Variants in SNX29 observed in about 807,000 individuals in gnomAD.
SNX29 encodes sorting nexin 29.
In SNX29, 78 loss-of-function variants were observed where a neutral mutation model predicts 102.1. The ratio of observed to expected loss-of-function variants is 0.76; its 90% CI spans 0.64 to 0.92. The LOEUF is 0.92. SNX29 is among the 40% of genes least tolerant of loss of function. The pLI is 0.00. For missense variants in SNX29, 1,280 were observed against 1,061.7 expected, an observed-to-expected ratio of 1.21 and a Z score of -2.86; for synonymous variants, 580 against 414.5, an observed-to-expected ratio of 1.40 and a Z score of -4.85.
At chr16:12,392,315 T>C (rs1307628746) in intron 16 of SNX29, among the ~76,000 whole-genome samples, 7 of 152,242 alleles carry the variant, frequency 4.6e-5, no homozygotes, top group African/African-American at 7.2e-5. Flanking sequence ...AATGTCTTTG[T>C]ATCCTTGTCT....
intron 10 of SNX29, among the ~76,000 whole-genome samples, chr16:12,078,448 T>TG (rs778462096): frequency 6.6e-6 from 1 of 150,770 alleles, no homozygotes; most frequent in Non-Finnish European, 1.5e-5. Context: ...GAAAGAAAAG[T>TG]GGAAAAAAAA....
intron 18 of SNX29, among the ~76,000 whole-genome samples, chr16:12,454,200 A>G (rs1049116235): frequency 4.6e-5 from 7 of 151,884 alleles, no homozygotes; most frequent in African/African-American, 1.7e-4. Flanking sequence ...GATAGGTGGA[A>G]CTCCAGCAGC....
At chr16:12,481,726 G>A (rs540595243) in intron 19 of SNX29, among the ~76,000 whole-genome samples, 36 of 152,224 alleles carry the variant, frequency 2.4e-4, no homozygotes, top group Admixed American at 4.6e-4. Context: ...GTAAAGGCAG[G>A]GTTTTGCCAT....
At chr16:12,359,774 A>G (rs1019075072) in intron 16 of SNX29, among the ~76,000 whole-genome samples, 1 of 152,082 alleles carries the variant, frequency 6.6e-6, no homozygotes, top group African/African-American at 2.4e-5. Flanking sequence ...AATACCCAAT[A>G]TTTACTGCTA....
chr16:12,334,791 A>G (rs932446094), intron 15 of SNX29, among the ~76,000 whole-genome samples: 2 of 151,234 alleles, frequency 1.3e-5, no homozygotes, highest in Non-Finnish European at 2.9e-5. Flanking sequence ...GGCAGTCCTC[A>G]CCATGTCACC....
intron 14 of SNX29, among the ~76,000 whole-genome samples, chr16:12,230,368 C>T (rs73504131): frequency 0.011 from 1,610 of 152,314 alleles, 40 homozygotes; most frequent in African/African-American, 0.037. Flanking sequence ...ACGTTCTCTT[C>T]ATTAGCAACC....
chr16:12,523,235 C>T (rs1329994284), intron 19 of SNX29, among the ~76,000 whole-genome samples: 5 of 152,176 alleles, frequency 3.3e-5, no homozygotes, highest in Non-Finnish European at 4.4e-5. Flanking sequence ...AGAGCAGAGA[C>T]GAGTGCCCCA....
chr16:12,553,156 C>G (rs1478959573), intron 20 of SNX29, among the ~76,000 whole-genome samples: 1 of 152,176 alleles, frequency 6.6e-6, no homozygotes, highest in Non-Finnish European at 1.5e-5. Flanking sequence ...TGGGGTCCTT[C>G]CTGGGATTTT....
intron 15 of SNX29, among the ~76,000 whole-genome samples, chr16:12,323,888 T>C (rs1007154530): frequency 6.6e-6 from 1 of 152,214 alleles, no homozygotes; most frequent in African/African-American, 2.4e-5. Context: ...TACTAACTTT[T>C]ATTATTACTG....
rs373587624 is a variant in SNX29 at position 12,030,515 on chromosome 16, A to G, written c.247+3071A>G. On this transcript the variant is annotated intron_variant, in intron 4 of 20. Coordinates refer to ENST00000566228, the MANE Select transcript of SNX29 (RefSeq NM_032167.5). ...CCCCAAAACCAGTCCCACAAAGAGC[A>G]TTGTTTTCTGTCTCTCACATGGGTC... Among the ~76,000 whole-genome samples the G allele has an allele frequency of 8.5e-5, 13 of 152,176 alleles. No individual in the cohort carries two copies. The South Asian group carries it at 2.7e-3, about 32-fold the overall frequency.
chr16:12,289,157 T>C (rs1414863848), intron 15 of SNX29, among the ~76,000 whole-genome samples: 4 of 152,214 alleles, frequency 2.6e-5, no homozygotes, highest in Non-Finnish European at 4.4e-5. Flanking sequence ...TAAACAGCCG[T>C]GTGTGCTGCC....
chr16:12,292,807 T>A (rs941210094), intron 15 of SNX29, among the ~76,000 whole-genome samples: 5 of 152,230 alleles, frequency 3.3e-5, no homozygotes, highest in African/African-American at 1.2e-4. Context: ...TGCCTCCCTG[T>A]TCTCTTCCTC....
intron 20 of SNX29, among the ~76,000 whole-genome samples, chr16:12,539,289 C>G (rs1044194248): frequency 6.6e-6 from 1 of 152,014 alleles, no homozygotes; most frequent in Non-Finnish European, 1.5e-5. Flanking sequence ...CCCTCCCCCA[C>G]CTCTAAGCCC....
At chr16:12,046,958 C>G (rs959610744) in intron 6 of SNX29, among the ~76,000 whole-genome samples, 1 of 152,100 alleles carries the variant, frequency 6.6e-6, no homozygotes, top group Non-Finnish European at 1.5e-5. Context: ...GAGACCCTGG[C>G]AGAGAAAGTG....
chr16:11,993,313 C>T (rs1001255478), intron 1 of SNX29, among the ~76,000 whole-genome samples: 4 of 152,216 alleles, frequency 2.6e-5, no homozygotes, highest in African/African-American at 9.6e-5. Context: ...CTGGTTGCCT[C>T]CTGCTTGTTT....
At chr16:12,312,377 C>G (rs550060840) in intron 15 of SNX29, among the ~76,000 whole-genome samples, 10 of 152,204 alleles carry the variant, frequency 6.6e-5, no homozygotes, top group Non-Finnish European at 1.0e-4. Context: ...AGTTGAAAAA[C>G]TGGCAACTGC....
At chr16:12,289,907 G>A (rs549312954) in intron 15 of SNX29, among the ~76,000 whole-genome samples, 2 of 152,176 alleles carry the variant, frequency 1.3e-5, no homozygotes, top group East Asian at 3.9e-4. Flanking sequence ...GTATACACCC[G>A]GCGAAGGGGC....
At position 12,196,622 on chromosome 16, in the gene SNX29, C is replaced by T. The variant is rs200661561; in HGVS notation, c.1596-2979C>T. Among the ~76,000 whole-genome samples the T allele has an allele frequency of 3.2e-3, 419 of 129,654 alleles. 2 individuals carry two copies. Among genetic ancestry groups the T allele is most frequent in the African/African-American group, 0.011 (396 of 35,310 alleles). The allele number at this position is 129,654 out of a possible 152,430, so 85.1% of individuals were successfully genotyped here. A position where few individuals can be genotyped will look rare whatever the true frequency, so the allele number is the denominator to read the frequency against. On this transcript the variant is annotated intron_variant, in intron 13 of 20. Coordinates refer to ENST00000566228, the MANE Select transcript of SNX29 (RefSeq NM_032167.5). ...TTTTTACTTTTCTTTTTTCTTTTTT[C>T]TTTTTTTTTTTTTTTTGGAGACGGA...
chr16:12,571,773 C>A lies in SNX29; in HGVS notation c.*3144C>A. The A allele has an allele frequency of 9.9e-7, 1 of 1,006,808 alleles. No homozygotes were observed. The highest frequency in any genetic ancestry group is 1.2e-6 in the Non-Finnish European group (1 of 827,132). 62.4% of individuals were successfully genotyped at this position (1,006,808 alleles called of 1,614,324 possible). On this transcript the variant is annotated 3_prime_UTR_variant, in exon 21 of 21. Transcript: ENST00000566228. ...CATCCACTCCTGATCTGAGACAGAA[C>A]CTTCTCCGCCACTCTTCCTGCAATC...
Sources: allele counts gnomAD v4.1 joint callset (sites outside exome capture counted in the v4.1 genomes callset), GRCh38; gene constraint gnomAD v4.1.1; transcripts MANE v1.5; gene names NCBI Gene and HGNC (gene_info 2026-07-23, HGNC 2026-07-21).